The following ST6GALNAC5 variants were observed in gnomAD, a reference collection of about 807,000 sequenced individuals.
ST6GALNAC5 encodes ST6 N-acetylgalactosaminide alpha-2,6-sialyltransferase 5.
ST6GALNAC5 carries 27 observed loss-of-function variants against 33.6 expected under a neutral mutation model. The observed-to-expected ratio is 0.80, with a 90% CI of 0.59 to 1.11. The LOEUF (loss-of-function observed/expected upper bound fraction) is 1.11, where lower values mean the gene tolerates loss of function less well. ST6GALNAC5 is among the 50% of genes least tolerant of loss of function. The probability of loss-of-function intolerance (pLI) is 0.00; values close to 1 mark genes in which losing one functional copy is unlikely to be tolerated. For synonymous variants in ST6GALNAC5, 194 were observed against 171.2 expected (o/e 1.13, Z -1.04); for missense variants, 428 against 454.0 (o/e 0.94, Z 0.52).
At chr1:76,907,334 T>C (rs1160658765) in intron 2 of ST6GALNAC5, among the ~76,000 whole-genome samples, 5 of 152,112 alleles carry the variant, frequency 3.3e-5, no homozygotes, top group African/African-American at 1.2e-4. Context: ...CCTGTTCCTA[T>C]TATCTCTGAG....
chr1:77,012,703 G>A (rs965454597), intron 2 of ST6GALNAC5, among the ~76,000 whole-genome samples: 4 of 152,010 alleles, frequency 2.6e-5, no homozygotes, highest in African/African-American at 4.8e-5. Context: ...GAAGATTATG[G>A]GTGAATTAGA....
At chr1:77,006,046 T>G (rs6603933) in intron 2 of ST6GALNAC5, among the ~76,000 whole-genome samples, 52,614 of 152,142 alleles carry the variant, frequency 0.35, 11,125 homozygotes, top group East Asian at 0.49. Flanking sequence ...CTTTCAGTTT[T>G]TTCTATATAT....
At chr1:77,047,970 A>G (rs1012099029) in intron 3 of ST6GALNAC5, among the ~76,000 whole-genome samples, 56 of 152,372 alleles carry the variant, frequency 3.7e-4, no homozygotes, top group African/African-American at 1.2e-3. Context: ...AAAGAGTTCA[A>G]CAAAGAGTTT....
chr1:77,027,840 T>C (rs148722268), intron 2 of ST6GALNAC5, among the ~76,000 whole-genome samples: 1 of 152,238 alleles, frequency 6.6e-6, no homozygotes, highest in Non-Finnish European at 1.5e-5. Flanking sequence ...TATCATTTAA[T>C]GAGTGGGGGA....
At chr1:76,938,022 CT>C (rs1386362089) in intron 2 of ST6GALNAC5, among the ~76,000 whole-genome samples, 1 of 151,854 alleles carries the variant, frequency 6.6e-6, no homozygotes, top group African/African-American at 2.4e-5. Context: ...TAAGGGTAGG[CT>C]CTAAGAACTG....
chr1:76,904,327 G>T (rs936365096), intron 2 of ST6GALNAC5, among the ~76,000 whole-genome samples: 7 of 152,084 alleles, frequency 4.6e-5, no homozygotes, highest in African/African-American at 1.7e-4. Flanking sequence ...CATGCTTAAG[G>T]GTGCTGTGAC....
intron 2 of ST6GALNAC5, among the ~76,000 whole-genome samples, chr1:77,033,710 A>C (rs1195853744): frequency 6.6e-6 from 1 of 152,172 alleles, no homozygotes; most frequent in East Asian, 1.9e-4. Context: ...GCTTATGAAC[A>C]ACTGGGAAAG....
chr1:76,931,222 T>C (rs1647137634), intron 2 of ST6GALNAC5, among the ~76,000 whole-genome samples: 1 of 152,094 alleles, frequency 6.6e-6, no homozygotes, highest in South Asian at 2.1e-4. Context: ...TCCCAACAAC[T>C]GGATTAAGCT....
intron 2 of ST6GALNAC5, among the ~76,000 whole-genome samples, chr1:76,944,452 GC>G (rs1647441531): frequency 6.6e-6 from 1 of 151,974 alleles, no homozygotes; most frequent in Non-Finnish European, 1.5e-5. Context: ...AAATTGGATG[GC>G]CCCCTCTCTA....
At chr1:77,002,828 TA>T (rs1650230009) in intron 2 of ST6GALNAC5, among the ~76,000 whole-genome samples, 1 of 148,080 alleles carries the variant, frequency 6.8e-6, no homozygotes, top group Non-Finnish European at 1.5e-5. Context: ...TCCTGAGTTC[TA>T]GTTTGATTGC....
At chr1:76,953,227 C>T (rs970989781) in intron 2 of ST6GALNAC5, among the ~76,000 whole-genome samples, 1 of 152,026 alleles carries the variant, frequency 6.6e-6, no homozygotes, top group Non-Finnish European at 1.5e-5. Flanking sequence ...ATTGCTGGGA[C>T]CTATGATTGG....
chr1:77,024,249 T>C (rs1187441538), intron 2 of ST6GALNAC5, among the ~76,000 whole-genome samples: 2 of 152,226 alleles, frequency 1.3e-5, no homozygotes, highest in East Asian at 3.8e-4. Flanking sequence ...TGCAATTCTT[T>C]GGTTAATATT....
At chr1:77,057,720 G>A (rs1652446595) in intron 4 of ST6GALNAC5, among the ~76,000 whole-genome samples, 1 of 152,192 alleles carries the variant, frequency 6.6e-6, no homozygotes, top group Non-Finnish European at 1.5e-5. Context: ...GGAGAACAGT[G>A]AAGGGAGGTG....
intron 2 of ST6GALNAC5, among the ~76,000 whole-genome samples, chr1:76,885,944 C>T (rs1245531358): frequency 3.3e-5 from 5 of 152,182 alleles, no homozygotes; most frequent in South Asian, 4.1e-4. Context: ...GTATGGCCTG[C>T]GATAACCTGA....
At chr1:77,001,747 T>G (rs1650176100) in intron 2 of ST6GALNAC5, among the ~76,000 whole-genome samples, 1 of 150,052 alleles carries the variant, frequency 6.7e-6, no homozygotes, top group Non-Finnish European at 1.5e-5. Context: ...ATTGAGATAA[T>G]CATGTGGTTT....
chr1:76,967,053 A>C (rs937869992), intron 2 of ST6GALNAC5, among the ~76,000 whole-genome samples: 1 of 152,164 alleles, frequency 6.6e-6, no homozygotes, highest in Non-Finnish European at 1.5e-5. Flanking sequence ...CTGGTCTAAA[A>C]TTCTCTTTTT....
intron 2 of ST6GALNAC5, among the ~76,000 whole-genome samples, chr1:77,004,030 C>T (rs1256776501): frequency 2.5e-5 from 3 of 121,408 alleles, no homozygotes; most frequent in Admixed American, 8.4e-5. Context: ...TGAATCTGAA[C>T]GTTGGCCTGC....
At chr1:76,979,413 C>G (rs1191577761) in intron 2 of ST6GALNAC5, among the ~76,000 whole-genome samples, 2 of 152,102 alleles carry the variant, frequency 1.3e-5, no homozygotes, top group African/African-American at 4.8e-5. Context: ...CAGCATGGTA[C>G]TGGCATAAAA....
chr1:77,026,832 TG>T (rs1651257783), intron 2 of ST6GALNAC5, among the ~76,000 whole-genome samples: 1 of 148,334 alleles, frequency 6.7e-6, no homozygotes, highest in Non-Finnish European at 1.5e-5. Flanking sequence ...AATGAATGAA[TG>T]AATGAAAATG....
Sources: gnomAD v4.1 joint callset for allele counts (sites outside exome capture counted in the v4.1 genomes callset) on GRCh38, gnomAD v4.1.1 for gene constraint, MANE v1.5 for transcripts, NCBI Gene and HGNC (gene_info 2026-07-23, HGNC 2026-07-21) for gene names.